Variants in RHOU observed in about 807,000 individuals in gnomAD.
RHOU encodes the protein rho-related GTP-binding protein RhoU.
In RHOU, 8 loss-of-function variants were observed where a neutral mutation model predicts 12.6. The observed-to-expected ratio is 0.64, with a 90% CI of 0.37 to 1.15. The LOEUF is 1.15. Among genes scored for constraint, RHOU ranks in the 50% most tolerant of loss-of-function variants. The probability of loss-of-function intolerance (pLI) is 0.01; values close to 1 mark genes in which losing one functional copy is unlikely to be tolerated. For missense variants in RHOU, 258 were observed against 347.0 expected, an observed-to-expected ratio of 0.74 and a Z score of 2.04; for synonymous variants, 161 against 147.4, an observed-to-expected ratio of 1.09 and a Z score of -0.67.
the RHOU span, among the ~76,000 whole-genome samples, chr1:228,730,332 G>A: frequency 6.6e-6 from 1 of 152,196 alleles, no homozygotes; most frequent in Non-Finnish European, 1.5e-5. Flanking sequence ...AGGGAAGCTT[G>A]AGGCATGAGG....
chr1:228,720,867 C>T, the RHOU span, among the ~76,000 whole-genome samples: 4 of 152,308 alleles, frequency 2.6e-5, no homozygotes, highest in East Asian at 3.9e-4. Context: ...CCCCTGGCCC[C>T]GCACCCCTAC....
At chr1:228,652,589 TA>T in the RHOU span, 1 of 152,200 alleles carries the variant, frequency 6.6e-6, no homozygotes. Context: ...GCAGACCACA[TA>T]AACATTTCCA....
chr1:228,714,919 T>C, the RHOU span, among the ~76,000 whole-genome samples: 1 of 151,892 alleles, frequency 6.6e-6, no homozygotes, highest in African/African-American at 2.4e-5. Flanking sequence ...AATTTTTGTA[T>C]TTTTAGAAGA....
the RHOU span, among the ~76,000 whole-genome samples, chr1:228,692,333 G>T: frequency 3.3e-5 from 5 of 152,196 alleles, no homozygotes; most frequent in South Asian, 8.3e-4. Context: ...TTTTAAAACT[G>T]CCCAAAGACT....
At chr1:228,658,832 C>T in the RHOU span, among the ~76,000 whole-genome samples, 114 of 152,298 alleles carry the variant, frequency 7.5e-4, no homozygotes, top group African/African-American at 2.6e-3. Flanking sequence ...AGGTTTTGCA[C>T]TCTGTGAATA....
chr1:228,690,249 A>C, the RHOU span, among the ~76,000 whole-genome samples: 1 of 152,158 alleles, frequency 6.6e-6, no homozygotes, highest in Non-Finnish European at 1.5e-5. Flanking sequence ...GAAAGGAAGA[A>C]AAGGAAGGAA....
At position 228,743,266 on chromosome 1, in the gene RHOU, G is replaced by T; in HGVS notation, c.322-19G>T. On this transcript the variant is annotated intron_variant, in intron 2 of 2. Transcript: ENST00000366691. This position sits in a 1 kb window ranked among gnomAD's most constrained non-coding sequence, Gnocchi z 5.1. The stretch of plus-strand genomic sequence containing the variant: ...GAATTCATGAAAACATAACTTTTGG[G>T]TACTTTGCTTGGTTGCAGGATGAAT... 1 of 1,603,468 alleles carries T rather than the reference G, an allele frequency of 6.2e-7. No individual in the cohort carries two copies. Among genetic ancestry groups the T allele is most frequent in the Non-Finnish European group, 8.5e-7 (1 of 1,170,944 alleles).
At chr1:228,676,129 C>CCG in the RHOU span, among the ~76,000 whole-genome samples, 436 of 148,126 alleles carry the variant, frequency 2.9e-3, 4 homozygotes, top group Middle Eastern at 0.024. Context: ...ACTGCTGTAA[C>CCG]CGCCCCCCCC....
chr1:228,702,734 T>C, the RHOU span, among the ~76,000 whole-genome samples: 3,807 of 152,330 alleles, frequency 0.025, 282 homozygotes, highest in East Asian at 0.24. Flanking sequence ...AGTCATTTTT[T>C]TATTTTATTT....
the RHOU span, among the ~76,000 whole-genome samples, chr1:228,669,689 G>A: frequency 6.6e-6 from 1 of 152,196 alleles, no homozygotes; most frequent in Non-Finnish European, 1.5e-5. Flanking sequence ...GGTGTGTCAT[G>A]TCTACCTTAC....
the RHOU span, among the ~76,000 whole-genome samples, chr1:228,699,919 T>A: frequency 6.6e-6 from 1 of 152,218 alleles, no homozygotes; most frequent in South Asian, 2.1e-4. Context: ...GATAGCAGAA[T>A]ATACCTAAAG....
At chr1:228,707,105 CATATATATATATATATAT>C in the RHOU span, among the ~76,000 whole-genome samples, 7 of 70,844 alleles carry the variant, frequency 9.9e-5, no homozygotes, top group African/African-American at 5.2e-4. Context: ...TATATACATA[CATATATATATATATATAT>C]ATACATATAT....
the RHOU span, among the ~76,000 whole-genome samples, chr1:228,729,608 G>A: frequency 1.3e-5 from 2 of 152,166 alleles, no homozygotes; most frequent in Non-Finnish European, 2.9e-5. Flanking sequence ...TTGAAAGGGA[G>A]CTGCCTTGGA....
the RHOU span, among the ~76,000 whole-genome samples, chr1:228,678,436 T>C: frequency 2.5e-3 from 375 of 152,298 alleles, 2 homozygotes; most frequent in African/African-American, 8.8e-3. Context: ...GGCTAGCTGC[T>C]TCTTTAGCTA....
At chr1:228,672,385 A>G in the RHOU span, among the ~76,000 whole-genome samples, 6 of 152,234 alleles carry the variant, frequency 3.9e-5, no homozygotes, top group African/African-American at 1.2e-4. Context: ...CTGGTCTCGA[A>G]CTTCTGACCT....
the RHOU span, among the ~76,000 whole-genome samples, chr1:228,665,955 C>T: frequency 6.9e-5 from 10 of 145,474 alleles, no homozygotes; most frequent in Non-Finnish European, 1.5e-4. Flanking sequence ...TTCACCCCAG[C>T]ATCTAGAAGT....
the RHOU span, among the ~76,000 whole-genome samples, chr1:228,691,342 C>T: frequency 1.3e-5 from 2 of 152,078 alleles, no homozygotes; most frequent in African/African-American, 4.8e-5. Flanking sequence ...GACATGTTTC[C>T]ACCACTACGG....
the RHOU span, among the ~76,000 whole-genome samples, chr1:228,670,681 C>T: frequency 1.3e-5 from 2 of 152,304 alleles, no homozygotes; most frequent in East Asian, 3.9e-4. Context: ...TGTGTCCCCA[C>T]TCAAATCTCA....
the RHOU span, among the ~76,000 whole-genome samples, chr1:228,659,373 C>A: frequency 1.3e-5 from 2 of 151,634 alleles, no homozygotes; most frequent in Admixed American, 1.3e-4. Context: ...AGTGAAACTC[C>A]ATCTCAAAAA....
Sources: gnomAD v4.1 joint callset for allele counts (sites outside exome capture counted in the v4.1 genomes callset) on GRCh38, gnomAD v4.1.1 for gene constraint, Gnocchi (gnomAD v3.1) non-coding constraint, MANE v1.5 for transcripts, NCBI Gene and HGNC (gene_info 2026-07-23, HGNC 2026-07-21) for gene names.